Variants in BMP2K observed in about 807,000 individuals in gnomAD.
BMP2K encodes BMP2 inducible kinase.
BMP2K carries 74 observed loss-of-function variants against 116.0 expected under a neutral mutation model. The ratio of observed to expected loss-of-function variants is 0.64; its 90% CI spans 0.53 to 0.77. BMP2K has a LOEUF of 0.77. Among genes scored for constraint, BMP2K ranks in the 30% least tolerant of loss-of-function variants. BMP2K has a pLI of 0.00. For missense variants in BMP2K, 1,365 were observed against 1,403.6 expected, an observed-to-expected ratio of 0.97 and a Z score of 0.44; for synonymous variants, 486 against 502.5, an observed-to-expected ratio of 0.97 and a Z score of 0.44.
At chr4:78,899,473 C>T (rs1211486894) in intron 15 of BMP2K, among the ~76,000 whole-genome samples, 3 of 151,952 alleles carry the variant, frequency 2.0e-5, no homozygotes, top group African/African-American at 7.3e-5. Context: ...GAAATCTTGG[C>T]CATTGGGTTT....
chr4:78,815,399 C>T (rs1729289239), intron 1 of BMP2K, among the ~76,000 whole-genome samples: 1 of 152,004 alleles, frequency 6.6e-6, no homozygotes, highest in South Asian at 2.1e-4. Flanking sequence ...TGATTTACTT[C>T]TTTTTAAGTA....
At chr4:78,841,904 C>G (rs1730776943) in intron 3 of BMP2K, among the ~76,000 whole-genome samples, 1 of 151,934 alleles carries the variant, frequency 6.6e-6, no homozygotes. Context: ...CCCTGTCTTC[C>G]TCATCTTCCT....
intron 15 of BMP2K, among the ~76,000 whole-genome samples, chr4:78,906,396 CA>C (rs1475886257): frequency 3.3e-5 from 5 of 151,992 alleles, no homozygotes; most frequent in African/African-American, 1.2e-4. Flanking sequence ...CTATCTACAC[CA>C]ACAGAAAATT....
intron 13 of BMP2K, among the ~76,000 whole-genome samples, chr4:78,873,658 CTGTGTGTGTGTGTGTGTGTG>C (rs377226626): frequency 0.023 from 3,264 of 139,528 alleles, 123 homozygotes; most frequent in African/African-American, 0.079. Context: ...CTCCCAACCT[CTGTGTGTGTGTGTGTGTGTG>C]TGTGTGTGTG....
Position 78,792,001 on chromosome 4 carries a change from T to C in BMP2K, c.178+15280T>C, listed in dbSNP as rs187306928. 2.6e-3 allele frequency among the ~76,000 whole-genome samples: 395 copies of C among 152,324 alleles called. 1 individual carries two copies. The highest frequency in any genetic ancestry group is 4.5e-3 in the Non-Finnish European group (303 of 68,016). ...GATCATATGATAATTCTATGTTTAA[T>C]GTTTTTGAGGAATTGCCGCACTGTT... On this transcript the variant is annotated intron_variant, in intron 1 of 15. Transcript: ENST00000502613.
chr4:78,902,192 T>C (rs1470049269), intron 15 of BMP2K, among the ~76,000 whole-genome samples: 1 of 152,184 alleles, frequency 6.6e-6, no homozygotes, highest in Non-Finnish European at 1.5e-5. Flanking sequence ...AAAGGTTCAC[T>C]GACTTGCTTA....
At chr4:78,881,845 C>A (rs1732894575) in intron 14 of BMP2K, among the ~76,000 whole-genome samples, 1 of 151,842 alleles carries the variant, frequency 6.6e-6, no homozygotes, top group South Asian at 2.1e-4. Context: ...AATATAAATC[C>A]TATCATTTTA....
chr4:78,804,264 G>A (rs1470826576), intron 1 of BMP2K, among the ~76,000 whole-genome samples: 2 of 152,098 alleles, frequency 1.3e-5, no homozygotes, highest in African/African-American at 4.8e-5. Context: ...CATGTTTTAA[G>A]TTTCATTCAT....
chr4:78,814,544 TG>T (rs1424639529), intron 1 of BMP2K, among the ~76,000 whole-genome samples: 1 of 152,148 alleles, frequency 6.6e-6, no homozygotes. Flanking sequence ...CAAGATCTGA[TG>T]GTTTTATAAG....
Position 78,856,520 on chromosome 4 carries a change from C to CT in BMP2K, c.884-3056dup, listed in dbSNP as rs770277577. Among the ~76,000 whole-genome samples, 258 of 151,510 alleles carry CT rather than the reference C, an allele frequency of 1.7e-3. 1 individual carries two copies. Among genetic ancestry groups the CT allele is most frequent in the Non-Finnish European group, 1.3e-3 (86 of 67,826 alleles). Reference sequence around the variant, plus strand: ...AAAGATGCCTTATTGATTTTTTTTCCTTTTTTTTAAATTGCTGATAATATT... The same window carrying CT: ...AAAGATGCCTTATTGATTTTTTTTCCTTTTTTTTTAAATTGCTGATAATATT... On this transcript the variant is annotated intron_variant, in intron 7 of 15. Transcript: ENST00000502613.
chr4:78,793,083 G>A (rs1450488001), intron 1 of BMP2K, among the ~76,000 whole-genome samples: 1 of 152,122 alleles, frequency 6.6e-6, no homozygotes, highest in East Asian at 1.9e-4. Flanking sequence ...TAGTCTCCAA[G>A]TTTTTCTTTT....
At chr4:78,776,849 G>C (rs1327731756) in intron 1 of BMP2K, 128 bp downstream of exon 1, 1 of 960,890 alleles carries the variant, frequency 1.0e-6, no homozygotes, top group Non-Finnish European at 1.3e-6. Flanking sequence ...CGGGCCAGCG[G>C]GGGCTCCTAA....
intron 1 of BMP2K, among the ~76,000 whole-genome samples, chr4:78,789,288 G>A (rs1301454292): frequency 4.6e-5 from 7 of 152,074 alleles, no homozygotes; most frequent in African/African-American, 1.2e-4. Context: ...CTTAGTTCTC[G>A]TGACCAGCAC....
At chr4:78,812,247 G>A (rs1042348583) in intron 1 of BMP2K, among the ~76,000 whole-genome samples, 3 of 152,178 alleles carry the variant, frequency 2.0e-5, no homozygotes, top group African/African-American at 7.2e-5. Context: ...AGGACTACAG[G>A]CGTGAGCCAC....
chr4:78,872,385 A>C (rs1732410198), intron 12 of BMP2K: 1 of 364,664 alleles, frequency 2.7e-6, no homozygotes, highest in Non-Finnish European at 4.8e-6. Context: ...AAATACTTAA[A>C]AGAGGATTTT....
rs569687811 is a variant in BMP2K, at chr4:78,881,912, C to T, written c.1951+3021C>T. 7.2e-5 allele frequency among the ~76,000 whole-genome samples: 11 copies of T among 151,816 alleles called. No individual in the cohort carries two copies. In the South Asian group the frequency reaches 2.1e-3, roughly 29 times the overall value. ...GAAATGCAATGTAGGATATTTGTAC[C>T]CTTTTCCTTGACACAGGTATTAACA... On this transcript the variant is annotated intron_variant, in intron 14 of 15. Transcript: ENST00000502613.
chr4:78,803,906 A>G (rs779188440), intron 1 of BMP2K, among the ~76,000 whole-genome samples: 1 of 152,206 alleles, frequency 6.6e-6, no homozygotes, highest in East Asian at 1.9e-4. Flanking sequence ...TGCTTCAGTT[A>G]TATAGAACTA....
chr4:78,819,334 T>C (rs372113151), intron 1 of BMP2K, among the ~76,000 whole-genome samples: 27 of 152,298 alleles, frequency 1.8e-4, no homozygotes, highest in African/African-American at 6.0e-4. Context: ...GGATTACAGC[T>C]GTGAGCCACT....
At chr4:78,791,961 G>C (rs933480274) in intron 1 of BMP2K, among the ~76,000 whole-genome samples, 3 of 152,054 alleles carry the variant, frequency 2.0e-5, no homozygotes, top group African/African-American at 4.8e-5. Flanking sequence ...GTATATATCC[G>C]GAAGGGAATT....
Sources: allele counts gnomAD v4.1 joint callset (sites outside exome capture counted in the v4.1 genomes callset), GRCh38; gene constraint gnomAD v4.1.1; transcripts MANE v1.5; gene names NCBI Gene and HGNC (gene_info 2026-07-23, HGNC 2026-07-21).